Variants in RFX3 observed in about 807,000 individuals in gnomAD.
RFX3 encodes regulatory factor X3.
RFX3 carries 14 observed loss-of-function variants against 98.6 expected under a neutral mutation model. That is an observed-to-expected ratio of 0.14 (90% CI 0.09 to 0.22). The LOEUF (loss-of-function observed/expected upper bound fraction) is 0.22. Ranked by LOEUF, RFX3 falls within the 10% of genes least tolerant of loss-of-function variation. The pLI, the probability that RFX3 is intolerant of heterozygous loss-of-function variation, is 1.00. For missense variants in RFX3, 639 were observed against 926.9 expected (o/e 0.69, Z 4.03); for synonymous variants, 383 against 328.4 (o/e 1.17, Z -1.80).
intron 15 of RFX3, among the ~76,000 whole-genome samples, chr9:3,229,530 TA>T (rs1818212046): frequency 6.6e-6 from 1 of 152,216 alleles, no homozygotes; most frequent in African/African-American, 2.4e-5. Flanking sequence ...GCCTTCGGCT[TA>T]GACATTATTT....
intron 4 of RFX3, among the ~76,000 whole-genome samples, chr9:3,326,448 T>C (rs1482384533): frequency 6.6e-6 from 1 of 152,128 alleles, no homozygotes; most frequent in East Asian, 1.9e-4. Flanking sequence ...GTATTAAGCC[T>C]ATTATTCATT....
intron 7 of RFX3, among the ~76,000 whole-genome samples, chr9:3,282,998 GTTA>G (rs1332984557): frequency 6.6e-6 from 1 of 151,736 alleles, no homozygotes; most frequent in Non-Finnish European, 1.5e-5. Context: ...AGTGGTGACT[GTTA>G]TTATTAACAA....
At chr9:3,297,962 TATTA>T (rs1292431975) in intron 5 of RFX3, among the ~76,000 whole-genome samples, 14 of 151,918 alleles carry the variant, frequency 9.2e-5, no homozygotes, top group Admixed American at 3.9e-4. Context: ...TACTAATTCA[TATTA>T]ATTAACACCA....
chr9:3,241,759 G>A (rs1819953857), intron 15 of RFX3, among the ~76,000 whole-genome samples: 1 of 152,176 alleles, frequency 6.6e-6, no homozygotes, highest in Non-Finnish European at 1.5e-5. Flanking sequence ...AGGAGCTGTA[G>A]GGTGTAATTT....
At chr9:3,505,141 A>T (rs1228943943) in intron 1 of RFX3, among the ~76,000 whole-genome samples, 1 of 98,456 alleles carries the variant, frequency 1.0e-5, no homozygotes, top group Non-Finnish European at 1.8e-5. Context: ...ATATTTATAT[A>T]TTATATGAAT....
At chr9:3,254,265 A>G (rs1261857269) in intron 14 of RFX3, among the ~76,000 whole-genome samples, 1 of 151,704 alleles carries the variant, frequency 6.6e-6, no homozygotes, top group Non-Finnish European at 1.5e-5. Context: ...GACATCAACT[A>G]AATATAGGAA....
In RFX3 at chr9:3,220,643, C is replaced by CT. The variant is rs1222050113; in HGVS notation, c.*4398_*4399insA. 1.3e-5 allele frequency: 2 copies of CT among 151,528 alleles called. No homozygotes were observed. Among genetic ancestry groups the CT allele is most frequent in the African/African-American group, 4.8e-5 (2 of 41,378 alleles). The allele number at this position is 151,528 out of a possible 1,614,324, so 9.4% of individuals were successfully genotyped here. ...GAAACACTTTCTCTTCCTACCCCCCCCTTTAAAAAAACAGCATAATTAGAC... is the reference window on the plus strand; with the variant it reads ...GAAACACTTTCTCTTCCTACCCCCCCTCTTTAAAAAAACAGCATAATTAGAC... On this transcript the variant is annotated 3_prime_UTR_variant, in exon 17 of 17. Transcript: ENST00000617270.
chr9:3,493,354 G>C (rs954804474), intron 1 of RFX3, among the ~76,000 whole-genome samples: 3 of 151,908 alleles, frequency 2.0e-5, no homozygotes, highest in Non-Finnish European at 4.4e-5. Context: ...TCTCCCTAAA[G>C]GGCCACTTTC....
intron 1 of RFX3, among the ~76,000 whole-genome samples, chr9:3,435,825 A>T (rs62526384): frequency 6.7e-6 from 1 of 148,856 alleles, no homozygotes; most frequent in Non-Finnish European, 1.5e-5. Context: ...AAAAAAAAAA[A>T]GGATAACACT....
chr9:3,392,924 G>C (rs887530047), intron 2 of RFX3, among the ~76,000 whole-genome samples: 1 of 151,978 alleles, frequency 6.6e-6, no homozygotes, highest in Non-Finnish European at 1.5e-5. Flanking sequence ...GGTAATATAA[G>C]CACTGAATTT....
chr9:3,498,138 G>A (rs761165046), intron 1 of RFX3, among the ~76,000 whole-genome samples: 3 of 151,862 alleles, frequency 2.0e-5, no homozygotes, highest in Non-Finnish European at 4.4e-5. Flanking sequence ...TCCTTTTCAC[G>A]TCTACATTAG....
chr9:3,301,675 T>C, intron 4 of RFX3, 55 bp from the exon 5 acceptor site: 1 of 1,255,578 alleles, frequency 8.0e-7, no homozygotes, highest in East Asian at 2.4e-5. Context: ...AATAAAAGGC[T>C]GACCAGAGAA....
At chr9:3,279,463 T>C (rs924459782) in intron 7 of RFX3, among the ~76,000 whole-genome samples, 1 of 151,820 alleles carries the variant, frequency 6.6e-6, no homozygotes, top group Admixed American at 6.6e-5. Flanking sequence ...AGACTTCAAT[T>C]ACATTAATTT....
Position 3,248,023 on chromosome 9 carries a change from C to A in RFX3, c.1968+9G>T. 1 of 1,614,040 alleles carries A rather than the reference C, an allele frequency of 6.2e-7. No individual in the cohort carries two copies. The highest frequency in any genetic ancestry group is 8.5e-7 in the Non-Finnish European group (1 of 1,179,944). ...CCCAGTGGGTCACAGCTCTTTCAGC[C>A]TCTCTTACCTCGCCCATGACTGCTA... On this transcript the variant is annotated intron_variant, in intron 15 of 16. Coordinates refer to ENST00000617270, the MANE Select transcript of RFX3 (RefSeq NM_001282116.2).
intron 1 of RFX3, among the ~76,000 whole-genome samples, chr9:3,450,192 C>A (rs1312791012): frequency 6.6e-6 from 1 of 152,212 alleles, no homozygotes; most frequent in East Asian, 1.9e-4. Flanking sequence ...TGCAATCACA[C>A]ACATACAAAT....
intron 1 of RFX3, among the ~76,000 whole-genome samples, chr9:3,492,305 G>A (rs1850781905): frequency 6.6e-6 from 1 of 152,114 alleles, no homozygotes; most frequent in African/African-American, 2.4e-5. Context: ...GAGTAAATAA[G>A]CCCTGCTCAT....
chr9:3,505,204 A>ATATATATGAATATATATT (rs1289503108), intron 1 of RFX3, among the ~76,000 whole-genome samples: 65 of 53,434 alleles, frequency 1.2e-3, no homozygotes, highest in African/African-American at 2.2e-3. Flanking sequence ...ATATATTTAT[A>ATATATATGAATATATATT]TATATATGAA....
intron 2 of RFX3, among the ~76,000 whole-genome samples, chr9:3,358,906 C>T (rs1312876805): frequency 2.0e-5 from 3 of 151,944 alleles, no homozygotes; most frequent in Non-Finnish European, 4.4e-5. Flanking sequence ...CTCATGAGAA[C>T]TCACTCACTA....
intron 1 of RFX3, among the ~76,000 whole-genome samples, chr9:3,426,671 C>T (rs1301120145): frequency 6.6e-6 from 1 of 152,168 alleles, no homozygotes; most frequent in Admixed American, 6.5e-5. Context: ...CTGTTGTGAA[C>T]TGCCCATGCG....
Sources: gnomAD v4.1 joint callset for allele counts (sites outside exome capture counted in the v4.1 genomes callset) on GRCh38, gnomAD v4.1.1 for gene constraint, MANE v1.5 for transcripts, NCBI Gene and HGNC (gene_info 2026-07-23, HGNC 2026-07-21) for gene names.